The following CNTN4 variants were observed in gnomAD, a reference collection of about 807,000 sequenced individuals.
CNTN4 encodes contactin 4, also known as contactin-4.
A neutral mutation model predicts 122.5 loss-of-function variants in CNTN4; 77 were observed. The ratio of observed to expected loss-of-function variants is 0.63; its 90% CI spans 0.52 to 0.76. The LOEUF (loss-of-function observed/expected upper bound fraction) is 0.76, where lower values mean the gene tolerates loss of function less well. Among genes scored for constraint, CNTN4 ranks in the 30% least tolerant of loss-of-function variants. The pLI, the probability that CNTN4 is intolerant of heterozygous loss-of-function variation, is 0.00. For missense variants in CNTN4, 1,256 were observed against 1,259.1 expected (o/e 1.00, Z 0.04); for synonymous variants, 512 against 447.0 (o/e 1.15, Z -1.83).
intron 4 of CNTN4, among the ~76,000 whole-genome samples, chr3:2,605,280 G>T (rs1281977315): frequency 1.3e-5 from 2 of 152,200 alleles, no homozygotes; most frequent in Admixed American, 1.3e-4. Context: ...ACCATGCCCA[G>T]CTCTCTGCTA....
intron 6 of CNTN4, among the ~76,000 whole-genome samples, chr3:2,778,302 G>A (rs199793729): frequency 7.1e-5 from 2 of 28,042 alleles, no homozygotes; most frequent in African/African-American, 1.1e-4. Context: ...ATCCATGTAT[G>A]TATAAGAGAA....
At chr3:2,735,713 T>A (rs1292240229) in intron 4 of CNTN4, among the ~76,000 whole-genome samples, 1 of 152,164 alleles carries the variant, frequency 6.6e-6, no homozygotes, top group African/African-American at 2.4e-5. Context: ...ACATAGTCAT[T>A]TTGAGGAAGT....
At chr3:2,579,382 G>A (rs921341150) in intron 4 of CNTN4, among the ~76,000 whole-genome samples, 3 of 152,202 alleles carry the variant, frequency 2.0e-5, no homozygotes, top group African/African-American at 7.2e-5. Context: ...GACGGGAGCA[G>A]GAACAGTCTG....
rs79312616 is a variant in CNTN4, at chr3:2,981,573, A to T, written c.1359-6772A>T. Among the ~76,000 whole-genome samples the T allele has an allele frequency of 2.5e-3, 375 of 152,166 alleles. 2 individuals carry two copies. The highest frequency in any genetic ancestry group is 8.5e-3 in the African/African-American group (354 of 41,456). On this transcript the variant is annotated intron_variant, in intron 13 of 24. Coordinates refer to ENST00000418658, the MANE Select transcript of CNTN4 (RefSeq NM_175607.3). ...GGTACTATATTCATGAAAAAAAAAA[A>T]GAATGTAATATTAGTGGAAAAACCG...
chr3:2,213,163 G>A lies in CNTN4; in HGVS notation c.-145+112524G>A, dbSNP rs1281786269. Among the ~76,000 whole-genome samples the A allele has an allele frequency of 7.2e-5, 11 of 152,318 alleles. No homozygotes were observed. The South Asian group carries it at 1.9e-3, about 26-fold the overall frequency. On this transcript the variant is annotated intron_variant, in intron 2 of 24. Transcript: ENST00000418658. ...GAAAGGACACACTGAGAATGTTGGAGTTGAGAGTTTTAGTCAAGCACATTT... is the reference window on the plus strand; with the variant it reads ...GAAAGGACACACTGAGAATGTTGGAATTGAGAGTTTTAGTCAAGCACATTT...
At chr3:2,471,761 G>C (rs2075692493) in intron 3 of CNTN4, among the ~76,000 whole-genome samples, 3 of 152,144 alleles carry the variant, frequency 2.0e-5, no homozygotes, top group Non-Finnish European at 4.4e-5. Context: ...TCAGGTTATG[G>C]TGTCAAAATC....
At chr3:2,430,026 T>A (rs973048601) in intron 3 of CNTN4, among the ~76,000 whole-genome samples, 15 of 152,048 alleles carry the variant, frequency 9.9e-5, no homozygotes, top group African/African-American at 3.6e-4. Flanking sequence ...CCGGGTGAGG[T>A]GATGCCTCGC....
intron 4 of CNTN4, among the ~76,000 whole-genome samples, chr3:2,678,807 G>A (rs1196630658): frequency 6.6e-6 from 1 of 152,138 alleles, no homozygotes; most frequent in Admixed American, 6.6e-5. Context: ...TTACGAAGCA[G>A]GCCCACATTA....
At chr3:2,427,656 A>G (rs2047892908) in intron 3 of CNTN4, among the ~76,000 whole-genome samples, 1 of 150,232 alleles carries the variant, frequency 6.7e-6, no homozygotes, top group African/African-American at 2.5e-5. Flanking sequence ...GGATCTGTCT[A>G]ATATTGACAG....
intron 3 of CNTN4, among the ~76,000 whole-genome samples, chr3:2,379,802 C>A (rs1403721029): frequency 1.3e-5 from 2 of 152,038 alleles, no homozygotes; most frequent in African/African-American, 4.8e-5. Flanking sequence ...CGCCTGTAAT[C>A]CTAGCACTTT....
At chr3:2,103,561 C>T (rs776062558) in intron 2 of CNTN4, among the ~76,000 whole-genome samples, 25 of 152,154 alleles carry the variant, frequency 1.6e-4, no homozygotes, top group Non-Finnish European at 3.2e-4. Context: ...AATTCCTCTT[C>T]ACTTCTCAGC....
chr3:2,839,735 G>C (rs888233665), intron 7 of CNTN4, among the ~76,000 whole-genome samples: 1 of 152,074 alleles, frequency 6.6e-6, no homozygotes, highest in Non-Finnish European at 1.5e-5. Context: ...CCAAGGGAGT[G>C]CTCTTAGGGT....
At chr3:2,453,306 A>G (rs992021949) in intron 3 of CNTN4, among the ~76,000 whole-genome samples, 2 of 152,186 alleles carry the variant, frequency 1.3e-5, no homozygotes, top group African/African-American at 4.8e-5. Flanking sequence ...TGTGAATGCC[A>G]AAACATAAAT....
chr3:2,231,391 G>C lies in CNTN4; in HGVS notation c.-144-107787G>C, dbSNP rs866695067. ...CATCCCCTTAACTCCCCCACATTTT[G>C]TCATTCAGATGATCTCCTTTTTGTT... is the stretch of plus-strand genomic sequence containing the variant. On this transcript the variant is annotated intron_variant, in intron 2 of 24. Coordinates refer to ENST00000418658, the MANE Select transcript of CNTN4 (RefSeq NM_175607.3). Among the ~76,000 whole-genome samples, 12 of 152,236 alleles carry C rather than the reference G, an allele frequency of 7.9e-5. 1 individual carries two copies. In the Middle Eastern group the frequency reaches 0.031, roughly 388 times the overall value.
chr3:2,334,350 G>C lies in CNTN4; in HGVS notation c.-144-4828G>C, dbSNP rs377003905. On this transcript the variant is annotated intron_variant, in intron 2 of 24. Transcript: ENST00000418658. ...TTTTTTGTATTTTTAGTAGAGATGG[G>C]GTTTCATCATGTTGGCCAGGCTGGT... Among the ~76,000 whole-genome samples the C allele has an allele frequency of 1.1e-3, 174 of 152,162 alleles. 1 individual carries two copies. The highest frequency in any genetic ancestry group is 4.0e-3 in the African/African-American group (166 of 41,512).
intron 8 of CNTN4, among the ~76,000 whole-genome samples, chr3:2,880,722 G>A (rs1336735275): frequency 5.9e-5 from 9 of 152,188 alleles, no homozygotes; most frequent in African/African-American, 2.2e-4. Context: ...TATTCATTTC[G>A]TGGTGAGAGG....
intron 4 of CNTN4, among the ~76,000 whole-genome samples, chr3:2,693,908 C>T (rs1053384647): frequency 1.3e-5 from 2 of 152,158 alleles, no homozygotes; most frequent in Non-Finnish European, 2.9e-5. Context: ...CTTCTCAAAC[C>T]TTCAGTGGCT....
intron 3 of CNTN4, among the ~76,000 whole-genome samples, chr3:2,343,157 G>C (rs1434899351): frequency 2.0e-5 from 3 of 152,024 alleles, no homozygotes; most frequent in Non-Finnish European, 1.5e-5. Flanking sequence ...AGGAGAATAG[G>C]GTCTGGAGGC....
chr3:2,550,212 G>C (rs996345903), intron 3 of CNTN4, among the ~76,000 whole-genome samples: 2 of 152,000 alleles, frequency 1.3e-5, no homozygotes, highest in Non-Finnish European at 2.9e-5. Flanking sequence ...GTTCTGCTCT[G>C]ATCTTAGGTA....
Sources: allele counts gnomAD v4.1 joint callset (sites outside exome capture counted in the v4.1 genomes callset), GRCh38; gene constraint gnomAD v4.1.1; transcripts MANE v1.5; gene names NCBI Gene and HGNC (gene_info 2026-07-23, HGNC 2026-07-21).